The following PKP4 variants were observed in gnomAD, a reference collection of about 807,000 sequenced individuals.
PKP4 encodes the protein plakophilin-4.
PKP4 carries 90 observed loss-of-function variants against 145.1 expected under a neutral mutation model. That is an observed-to-expected ratio of 0.62 (90% CI 0.52 to 0.74). The LOEUF is 0.74. PKP4 is among the 30% of genes least tolerant of loss of function. PKP4 has a pLI of 0.00. For synonymous variants in PKP4, 563 were observed against 577.2 expected (o/e 0.98, Z 0.35); for missense variants, 1,340 against 1,482.7 (o/e 0.90, Z 1.58).
chr2:158,511,913 T>G (rs1471699409), intron 1 of PKP4, among the ~76,000 whole-genome samples: 1 of 152,164 alleles, frequency 6.6e-6, no homozygotes. Context: ...GAGTAAACCA[T>G]TTTGTCCTCA....
At chr2:158,677,998 A>G (rs1032599946) in intron 20 of PKP4, among the ~76,000 whole-genome samples, 10 of 152,204 alleles carry the variant, frequency 6.6e-5, no homozygotes, top group Non-Finnish European at 1.3e-4. Flanking sequence ...GGAGTCTACT[A>G]TGGACTTTTG....
chr2:158,632,296 T>C (rs2053434509), intron 8 of PKP4, among the ~76,000 whole-genome samples: 1 of 152,268 alleles, frequency 6.6e-6, no homozygotes, highest in South Asian at 2.1e-4. Flanking sequence ...AAACAAGTTT[T>C]TGGAGAAAAT....
At chr2:158,507,122 A>G (rs2041055424) in intron 1 of PKP4, among the ~76,000 whole-genome samples, 1 of 152,206 alleles carries the variant, frequency 6.6e-6, no homozygotes, top group South Asian at 2.1e-4. Flanking sequence ...TGACATTTCC[A>G]TTACTTCGAT....
chr2:158,608,702 C>T (rs1412945577), intron 4 of PKP4, among the ~76,000 whole-genome samples: 2 of 151,696 alleles, frequency 1.3e-5, no homozygotes, highest in Non-Finnish European at 2.9e-5. Context: ...ACTTTTCAGC[C>T]ATATTTATGA....
At chr2:158,565,893 C>A (rs2105751406) in intron 2 of PKP4, among the ~76,000 whole-genome samples, 1 of 152,246 alleles carries the variant, frequency 6.6e-6, no homozygotes, top group South Asian at 2.1e-4. Context: ...ATTATTGAAA[C>A]CATACAGATA....
Position 158,629,620 on chromosome 2 carries a change from C to G in PKP4, c.1154-2133C>G, listed in dbSNP as rs568980050. On this transcript the variant is annotated intron_variant, in intron 7 of 21. Coordinates refer to ENST00000389759, the MANE Select transcript of PKP4 (RefSeq NM_003628.6). ...CTTTATGCATGTGTTAACTTTCTTG[C>G]CTCTCCTCACTAACCAACATGTAAT... Among the ~76,000 whole-genome samples the G allele has an allele frequency of 7.2e-5, 11 of 152,290 alleles. No individual in the cohort carries two copies. In the East Asian group the frequency reaches 2.1e-3, roughly 29 times the overall value.
rs142101989 is a variant in PKP4, at chr2:158,492,719, C to G, written c.-6+35501C>G. 1.3e-3 allele frequency among the ~76,000 whole-genome samples: 191 copies of G among 152,316 alleles called. 1 individual carries two copies. The highest frequency in any genetic ancestry group is 4.3e-3 in the African/African-American group (180 of 41,572). Reference sequence around the variant, plus strand: ...CTTTCTGACTCTTACTACTTAAGTTCTGTTTCCAGCTGACCATTTTCCTCC... The same window carrying G: ...CTTTCTGACTCTTACTACTTAAGTTGTGTTTCCAGCTGACCATTTTCCTCC... On this transcript the variant is annotated intron_variant, in intron 1 of 21. Transcript: ENST00000389759.
At chr2:158,672,235 T>C (rs2057625537) in intron 17 of PKP4, among the ~76,000 whole-genome samples, 1 of 152,204 alleles carries the variant, frequency 6.6e-6, no homozygotes. Flanking sequence ...GTCCTATATT[T>C]AAGAGAAGAT....
chr2:158,639,253 G>A (rs1265941201), intron 9 of PKP4, among the ~76,000 whole-genome samples: 2 of 151,988 alleles, frequency 1.3e-5, no homozygotes, highest in African/African-American at 2.4e-5. Flanking sequence ...AAATAGAATC[G>A]TATCTTACCA....
intron 21 of PKP4, 102 bp downstream of exon 21, chr2:158,678,756 C>T (rs2058229273): frequency 1.2e-6 from 1 of 804,606 alleles, no homozygotes; most frequent in Admixed American, 1.8e-5. Context: ...ATGGCAGGGT[C>T]CTAGATGCTT....
chr2:158,602,139 A>G (rs927514160), intron 3 of PKP4, among the ~76,000 whole-genome samples: 2 of 152,132 alleles, frequency 1.3e-5, no homozygotes. Flanking sequence ...TTCTAGTCAT[A>G]TTGTCTATGT....
chr2:158,599,182 G>A lies in PKP4; in HGVS notation c.246-3888G>A, dbSNP rs141583757. On this transcript the variant is annotated intron_variant, in intron 3 of 21. Coordinates refer to ENST00000389759, the MANE Select transcript of PKP4 (RefSeq NM_003628.6). ...AAATCGCAGTAGTAGCAGCGTGGAA[G>A]AGAGCCTGGCAGGATGAGAAATGAA... Among the ~76,000 whole-genome samples the A allele has an allele frequency of 2.0e-3, 309 of 152,314 alleles. 2 individuals carry two copies. The highest frequency in any genetic ancestry group is 3.8e-3 in the Non-Finnish European group (257 of 68,032).
chr2:158,598,189 G>A (rs1042554672), intron 3 of PKP4, among the ~76,000 whole-genome samples: 1 of 152,158 alleles, frequency 6.6e-6, no homozygotes, highest in Non-Finnish European at 1.5e-5. Flanking sequence ...GCTAAGAACT[G>A]TTTCTTTTTC....
intron 3 of PKP4, among the ~76,000 whole-genome samples, chr2:158,583,437 T>C (rs2048508500): frequency 1.3e-5 from 2 of 152,198 alleles, no homozygotes; most frequent in South Asian, 4.1e-4. Context: ...GCATTCCTTT[T>C]AGACAAGTTG....
At chr2:158,500,976 G>A (rs1696473788) in intron 1 of PKP4, among the ~76,000 whole-genome samples, 1 of 152,112 alleles carries the variant, frequency 6.6e-6, no homozygotes, top group Non-Finnish European at 1.5e-5. Context: ...TTCTTATAGA[G>A]CAGTTACTTT....
intron 13 of PKP4, chr2:158,662,572 T>C: frequency 5.4e-6 from 1 of 186,686 alleles, no homozygotes; most frequent in East Asian, 1.3e-4. Flanking sequence ...GGATCTGCAG[T>C]AGTGAGAAGT....
chr2:158,588,598 C>T (rs939320841), intron 3 of PKP4, among the ~76,000 whole-genome samples: 3 of 151,818 alleles, frequency 2.0e-5, no homozygotes, highest in Non-Finnish European at 2.9e-5. Flanking sequence ...TAGTACAGAT[C>T]CTAGTACATT....
At chr2:158,599,891 A>G (rs569660911) in intron 3 of PKP4, among the ~76,000 whole-genome samples, 2 of 152,298 alleles carry the variant, frequency 1.3e-5, no homozygotes, top group South Asian at 2.1e-4. Flanking sequence ...ATGAGCAGGT[A>G]ATTTTCTGAC....
At chr2:158,520,977 ATTC>A (rs2042322555) in intron 1 of PKP4, among the ~76,000 whole-genome samples, 1 of 152,222 alleles carries the variant, frequency 6.6e-6, no homozygotes, top group South Asian at 2.1e-4. Context: ...GTATTTATCC[ATTC>A]TTCTGTTAAT....
Sources: allele counts gnomAD v4.1 joint callset (sites outside exome capture counted in the v4.1 genomes callset), GRCh38; gene constraint gnomAD v4.1.1; transcripts MANE v1.5; gene names NCBI Gene and HGNC (gene_info 2026-07-23, HGNC 2026-07-21).